The following OR51B5 variants were observed in gnomAD, a reference collection of about 807,000 sequenced individuals.
OR51B5 encodes the protein olfactory receptor 51B5.
For missense variants in OR51B5, 456 were observed against 374.6 expected, an observed-to-expected ratio of 1.22 and a Z score of -1.79; for synonymous variants, 186 against 144.8, an observed-to-expected ratio of 1.28 and a Z score of -2.04.
intron 1 of OR51B5, among the ~76,000 whole-genome samples, chr11:5,353,069 T>C (rs1464793578): frequency 6.6e-6 from 1 of 151,834 alleles, no homozygotes. Flanking sequence ...CTTGCATATA[T>C]GGAGCTGGCT....
chr11:5,384,398 T>C (rs556655690), intron 1 of OR51B5, among the ~76,000 whole-genome samples: 184 of 152,302 alleles, frequency 1.2e-3, no homozygotes, highest in African/African-American at 4.2e-3. Context: ...TCTCACAGAA[T>C]CTCTTCTGAT....
At chr11:5,478,651 C>T (rs1454897309) in intron 1 of OR51B5, among the ~76,000 whole-genome samples, 3 of 150,540 alleles carry the variant, frequency 2.0e-5, no homozygotes, top group South Asian at 2.1e-4. Context: ...ATAACCAATA[C>T]AGAGAAGTGC....
At chr11:5,419,412 T>G (rs79977221) in intron 1 of OR51B5, among the ~76,000 whole-genome samples, 1,627 of 152,336 alleles carry the variant, frequency 0.011, 31 homozygotes, top group African/African-American at 0.036. Context: ...TCCACATTCA[T>G]GGATTCAACC....
At chr11:5,365,937 C>T (rs927097104) in intron 1 of OR51B5, among the ~76,000 whole-genome samples, 1 of 152,180 alleles carries the variant, frequency 6.6e-6, no homozygotes, top group Admixed American at 6.5e-5. Context: ...ATGAAGGGGG[C>T]AGGCTCAGCA....
At chr11:5,355,889 T>G (rs1849186557) in intron 1 of OR51B5, among the ~76,000 whole-genome samples, 1 of 152,136 alleles carries the variant, frequency 6.6e-6, no homozygotes, top group South Asian at 2.1e-4. Context: ...GTCCTGGAAG[T>G]TCTTTTAAAA....
chr11:5,422,207 C>A, intron 1 of OR51B5: 1 of 1,607,028 alleles, frequency 6.2e-7, no homozygotes. Context: ...AGTCATGTCC[C>A]AGGTGACTAA....
chr11:5,367,068 C>G (rs1396633600), intron 1 of OR51B5, among the ~76,000 whole-genome samples: 1 of 152,216 alleles, frequency 6.6e-6, no homozygotes, highest in African/African-American at 2.4e-5. Context: ...AAGACATTCT[C>G]TCAAGTCTCA....
chr11:5,376,925 A>G (rs1269725100), intron 1 of OR51B5, among the ~76,000 whole-genome samples: 5 of 150,460 alleles, frequency 3.3e-5, no homozygotes, highest in Admixed American at 1.3e-4. Context: ...ATTCCAATCA[A>G]CAGAAAAAGA....
At chr11:5,467,734 T>C (rs762878063) in intron 1 of OR51B5, among the ~76,000 whole-genome samples, 9 of 152,234 alleles carry the variant, frequency 5.9e-5, no homozygotes, top group Non-Finnish European at 1.2e-4. Flanking sequence ...GGTTGCTCAC[T>C]GCAGGACACG....
chr11:5,351,941 G>A (rs772203433), intron 1 of OR51B5: 38 of 1,612,752 alleles, frequency 2.4e-5, no homozygotes, highest in Middle Eastern at 1.6e-4. Context: ...ATTGGTGTGC[G>A]GGTATTGACA....
chr11:5,341,337 T>C (rs1848888850), downstream of OR51B5: 1 of 152,128 alleles, frequency 6.6e-6, no homozygotes. Context: ...TCATAAGACA[T>C]TTCCTGCTGA....
intron 1 of OR51B5, among the ~76,000 whole-genome samples, chr11:5,447,913 A>G (rs74830646): frequency 0.092 from 14,018 of 152,158 alleles, 929 homozygotes; most frequent in African/African-American, 0.18. Context: ...CCATCTCAGA[A>G]GAGTAAGTCC....
intron 1 of OR51B5, chr11:5,355,520 G>C (rs1231899976): frequency 7.0e-6 from 1 of 141,862 alleles, no homozygotes; most frequent in African/African-American, 2.7e-5. Flanking sequence ...ACTAGTTCAA[G>C]TGAAACACTA....
intron 1 of OR51B5, among the ~76,000 whole-genome samples, chr11:5,463,669 C>T (rs1851092114): frequency 6.6e-6 from 1 of 152,108 alleles, no homozygotes; most frequent in Non-Finnish European, 1.5e-5. Context: ...TATAACAGCT[C>T]ATTCATTTAT....
At chr11:5,376,637 G>C (rs574202610) in intron 1 of OR51B5, among the ~76,000 whole-genome samples, 6 of 152,026 alleles carry the variant, frequency 3.9e-5, no homozygotes, top group African/African-American at 1.5e-4. Context: ...TATCACCACC[G>C]ATCCCACAGA....
intron 1 of OR51B5, among the ~76,000 whole-genome samples, chr11:5,429,817 C>G (rs187109696): frequency 3.7e-4 from 57 of 152,332 alleles, no homozygotes; most frequent in Non-Finnish European, 6.8e-4. Context: ...AAGTGTTTAT[C>G]TAAAATTGAG....
intron 1 of OR51B5, among the ~76,000 whole-genome samples, chr11:5,444,349 C>T (rs1358726389): frequency 6.6e-6 from 1 of 152,024 alleles, no homozygotes; most frequent in Non-Finnish European, 1.5e-5. Flanking sequence ...TATAAAATAT[C>T]CTTGAGACAA....
At chr11:5,404,991 C>T (rs547852725) in intron 1 of OR51B5, among the ~76,000 whole-genome samples, 1 of 152,274 alleles carries the variant, frequency 6.6e-6, no homozygotes, top group Non-Finnish European at 1.5e-5. Context: ...TCCTCGGCTT[C>T]ATTCTTGAAT....
intron 1 of OR51B5, among the ~76,000 whole-genome samples, chr11:5,429,040 G>T (rs148921185): frequency 7.2e-5 from 11 of 152,228 alleles, no homozygotes; most frequent in Non-Finnish European, 1.2e-4. Context: ...ATGTTTTTCA[G>T]ACTGACCCCA....
Sources: allele counts gnomAD v4.1 joint callset (sites outside exome capture counted in the v4.1 genomes callset), GRCh38; gene constraint gnomAD v4.1.1; transcripts MANE v1.5; gene names NCBI Gene and HGNC (gene_info 2026-07-23, HGNC 2026-07-21).